Variants in HEATR4 observed in about 807,000 individuals in gnomAD.
The protein encoded by HEATR4 is HEAT repeat containing 4, also known as HEAT repeat-containing protein 4.
In HEATR4, 95 loss-of-function variants were observed where a neutral mutation model predicts 108.8. The ratio of observed to expected loss-of-function variants is 0.87; its 90% confidence interval spans 0.74 to 1.04. The LOEUF (loss-of-function observed/expected upper bound fraction) is 1.04, where lower values mean the gene tolerates loss of function less well. Among genes scored for constraint, HEATR4 ranks in the 50% least tolerant of loss-of-function variants. HEATR4 has a pLI of 0.00. For missense variants in HEATR4, 1,152 were observed against 1,253.8 expected (o/e 0.92, Z 1.23); for synonymous variants, 443 against 459.4 (o/e 0.96, Z 0.46).
Position 73,503,055 on chromosome 14 carries a change from T to C in HEATR4, c.1987-42A>G, listed in dbSNP as rs761396498. On this transcript the variant is annotated intron_variant, in intron 10 of 17. Coordinates refer to ENST00000553558, the MANE Select transcript of HEATR4 (RefSeq NM_001220484.1). ...TCATTAGGTATCATCACTTAATGAA[T>C]GTTAATTTTGTGCTTGGCGTTGTGC... is the stretch of plus-strand genomic sequence containing the variant. The C allele has an allele frequency of 4.6e-5, 66 of 1,430,934 alleles. No individual in the cohort carries two copies. In the East Asian group the frequency reaches 1.5e-3, roughly 32 times the overall value. 88.6% of individuals were successfully genotyped at this position (1,430,934 alleles called of 1,614,324 possible).
At position 73,514,178 on chromosome 14, in the gene HEATR4, C is replaced by G; in HGVS notation, c.1267G>C (p.Asp423His). 6.2e-7 allele frequency: 1 copy of G among 1,614,194 alleles called. No homozygotes were observed. The highest frequency in any genetic ancestry group is 8.5e-7 in the Non-Finnish European group (1 of 1,180,036). ...RWTALPTPAK[D>H]MLLQVGEKDV... ...TTCTCACCCACCTGCAGCAGCATAT[C>G]CTTGGCGGGGGTGGGCAAAGCAGTC... The change falls in exon 6 of 18, where the codon GAT becomes CAT. Residue 423 changes from aspartate (D) to histidine (H), a missense_variant. Asp to His is a moderately conservative substitution (Grantham distance 81). Coordinates refer to ENST00000553558, the MANE Select transcript of HEATR4 (RefSeq NM_001220484.1).
chr14:73,486,403 A>G (rs1305634231), intron 17 of HEATR4, among the ~76,000 whole-genome samples: 1 of 152,208 alleles, frequency 6.6e-6, no homozygotes, highest in Non-Finnish European at 1.5e-5. Context: ...TTCTTAAAGA[A>G]AAGAACTTAT....
chr14:73,491,708 C>T, intron 17 of HEATR4: 1 of 1,550,138 alleles, frequency 6.5e-7, no homozygotes, highest in Non-Finnish European at 8.7e-7. Flanking sequence ...GGTGCTGGTG[C>T]GGCGGCAGGA....
chr14:73,537,849 G>A, intron 1 of HEATR4: 2 of 1,205,082 alleles, frequency 1.7e-6, no homozygotes, highest in Non-Finnish European at 2.2e-6. Context: ...CGCGCGGGCC[G>A]GGTGCGAGGC....
At chr14:73,580,013 G>A in the HEATR4 span, among the ~76,000 whole-genome samples, 1 of 151,960 alleles carries the variant, frequency 6.6e-6, no homozygotes, top group African/African-American at 2.4e-5. Flanking sequence ...TGGGTGAATC[G>A]CTTGAACCTG....
chr14:73,498,092 T>G, intron 14 of HEATR4, 63 bp downstream of exon 14: 1 of 1,469,004 alleles, frequency 6.8e-7, no homozygotes, highest in Non-Finnish European at 9.3e-7. Context: ...ACATATTCAA[T>G]GAGCAAAGAT....
In HEATR4 at chr14:73,492,278, T is replaced by C; in HGVS notation, c.2844+788A>G. The C allele has an allele frequency of 6.2e-7, 1 of 1,614,024 alleles. No homozygotes were observed. The highest frequency in any genetic ancestry group is 8.5e-7 in the Non-Finnish European group (1 of 1,179,888). On this transcript the variant is annotated intron_variant, in intron 17 of 17. Coordinates refer to ENST00000553558, the MANE Select transcript of HEATR4 (RefSeq NM_001220484.1). The surrounding 1 kb of genome is among the most constrained non-coding windows in gnomAD (Gnocchi z 4.9). Reference sequence around the variant, plus strand: ...AGTCCACTCTCTGCACCTCACCTTGTCCACGTACCAGCGCAATACCTGGGG... The same window carrying C: ...AGTCCACTCTCTGCACCTCACCTTGCCCACGTACCAGCGCAATACCTGGGG...
chr14:73,491,015 G>C, intron 17 of HEATR4: 1 of 1,490,900 alleles, frequency 6.7e-7, no homozygotes, highest in Non-Finnish European at 9.0e-7. Flanking sequence ...GTGTGGTCTG[G>C]CCATGGATGG....
At chr14:73,487,096 T>C (rs1885481383) in intron 17 of HEATR4, among the ~76,000 whole-genome samples, 2 of 143,240 alleles carry the variant, frequency 1.4e-5, no homozygotes, top group Admixed American at 7.3e-5. Context: ...TGAAACCCCG[T>C]CTGTACTAAA....
chr14:73,607,159 A>T, the HEATR4 span, among the ~76,000 whole-genome samples: 3,156 of 152,108 alleles, frequency 0.021, 116 homozygotes, highest in African/African-American at 0.072. Flanking sequence ...AAAATACAAA[A>T]ATTAGCTGGG....
At chr14:73,575,697 G>A in the HEATR4 span, 1 of 585,686 alleles carries the variant, frequency 1.7e-6, no homozygotes, top group Non-Finnish European at 3.1e-6. Context: ...TACTTTATCA[G>A]TTTGGGAAGG....
At chr14:73,605,471 CCT>C in the HEATR4 span, among the ~76,000 whole-genome samples, 1 of 151,526 alleles carries the variant, frequency 6.6e-6, no homozygotes, top group South Asian at 2.1e-4. Context: ...AAACAAACCT[CCT>C]CGCCTGGGAA....
the HEATR4 span, among the ~76,000 whole-genome samples, chr14:73,573,201 TACA>T: frequency 1.3e-5 from 2 of 152,014 alleles, no homozygotes. Flanking sequence ...AGTCTTTGGC[TACA>T]ACGAGTAAAG....
intron 17 of HEATR4, chr14:73,491,956 T>C: frequency 6.2e-7 from 1 of 1,613,942 alleles, no homozygotes; most frequent in Non-Finnish European, 8.5e-7. Flanking sequence ...AGTTTTTGGC[T>C]GTGCTTCAAG....
intron 11 of HEATR4, among the ~76,000 whole-genome samples, chr14:73,501,569 CTTTTTTT>C (rs1204245183): frequency 9.2e-5 from 10 of 108,154 alleles, no homozygotes; most frequent in Non-Finnish European, 1.3e-4. Context: ...GTCTCTCTCT[CTTTTTTT>C]TTTTTTTTTT....
chr14:73,612,930 T>C, the HEATR4 span: 3 of 1,339,744 alleles, frequency 2.2e-6, no homozygotes, highest in Non-Finnish European at 3.0e-6. Context: ...GGGCGGCTGC[T>C]GTGCCTGGCG....
the HEATR4 span, chr14:73,568,141 T>G: frequency 1.3e-5 from 2 of 152,016 alleles, no homozygotes; most frequent in African/African-American, 4.8e-5. Flanking sequence ...TAATTAGAAC[T>G]GACAGGGAAT....
chr14:73,574,773 A>C, the HEATR4 span: 1 of 1,475,774 alleles, frequency 6.8e-7, no homozygotes, highest in Non-Finnish European at 9.2e-7. Context: ...GTAAATTCTC[A>C]AAGTTGCAAA....
the HEATR4 span, among the ~76,000 whole-genome samples, chr14:73,610,306 T>C: frequency 7.2e-6 from 1 of 139,448 alleles, no homozygotes; most frequent in Non-Finnish European, 1.6e-5. Context: ...TTTTTTTTTC[T>C]TTTAGAGGGA....
Sources: allele counts gnomAD v4.1 joint callset (sites outside exome capture counted in the v4.1 genomes callset), GRCh38; gene constraint gnomAD v4.1.1; non-coding constraint Gnocchi (gnomAD v3.1); transcripts MANE v1.5; gene names NCBI Gene and HGNC (gene_info 2026-07-23, HGNC 2026-07-21).